The following MUC21 variants were observed in gnomAD, a reference collection of about 807,000 sequenced individuals.
The protein encoded by MUC21 is mucin-21.
In MUC21, 8 loss-of-function variants were observed where a neutral mutation model predicts 9.1. The ratio of observed to expected loss-of-function variants is 0.88; its 90% CI spans 0.52 to 1.59. The LOEUF (loss-of-function observed/expected upper bound fraction) is 1.59, where lower values mean the gene tolerates loss of function less well. Among genes scored for constraint, MUC21 ranks in the 40% most tolerant of loss-of-function variants. The pLI, the probability that MUC21 is intolerant of heterozygous loss-of-function variation, is 0.00. For synonymous variants in MUC21, 189 were observed against 275.2 expected (o/e 0.69, Z 3.10); for missense variants, 478 against 694.2 (o/e 0.69, Z 3.50).
chr6:30,986,424 C>T lies in MUC21; in HGVS notation c.249C>T (p.Thr83=), dbSNP rs149294646. The T allele has an allele frequency of 1.2e-4, 194 of 1,613,790 alleles. No individual in the cohort carries two copies. The African/African-American group carries it at 2.0e-3, about 17-fold the overall frequency. ...TCACCAACTCTGAGTTCCATACAAC[C>T]TCCAGTGGGATCAGCACAGCCACCA... The part of the protein sequence containing the change: ...SIVTNSEFHT[T]SSGISTATNS... Residue 83 remains threonine (T), a synonymous_variant, in exon 2 of 3, where the codon ACC becomes ACT. Coordinates refer to ENST00000376296, the MANE Select transcript of MUC21 (RefSeq NM_001010909.5).
rs532108366 is a variant in MUC21, at chr6:30,986,826, G to T, written c.651G>T (p.Thr217=). The T allele has an allele frequency of 7.1e-7, 1 of 1,409,174 alleles. No individual in the cohort carries two copies. The highest frequency in any genetic ancestry group is 1.2e-5 in the South Asian group (1 of 81,482). 87.3% of individuals were successfully genotyped at this position (1,409,174 alleles called of 1,614,324 possible). ...ASTATNSESR[T]TSNGAGTATN... is the part of the protein sequence containing the mutation. The stretch of plus-strand genomic sequence containing the variant: ...CAGCCACCAACTCTGAGTCCAGAAC[G>T]ACCTCCAATGGGGCTGGCACAGCCA... The change falls in exon 2 of 3, where the codon ACG becomes ACT. Residue 217 remains threonine (T), a synonymous_variant. Transcript: ENST00000376296.
intron 1 of MUC21, among the ~76,000 whole-genome samples, chr6:30,985,619 G>A (rs2150683703): frequency 6.6e-6 from 1 of 152,214 alleles, no homozygotes; most frequent in African/African-American, 2.4e-5. Context: ...AGCAGAATGT[G>A]GAAAAAGGTT....
intron 1 of MUC21, among the ~76,000 whole-genome samples, chr6:30,985,953 T>C (rs1170704413): frequency 6.6e-6 from 1 of 152,076 alleles, no homozygotes; most frequent in African/African-American, 2.4e-5. Flanking sequence ...TTAGTAGAGA[T>C]GGGGTTTCTC....
At chr6:30,987,888 G>C in intron 2 of MUC21, 112 bp from the exon 3 acceptor site, 2 of 1,077,522 alleles carry the variant, frequency 1.9e-6, no homozygotes, top group Non-Finnish European at 2.8e-6. Context: ...GGAGAAAGGA[G>C]AACTAGGTAA....
rs751297434 is a variant in MUC21, at chr6:30,987,403, T to C, written c.1228T>C (p.Ser410Pro). 2.5e-6 allele frequency: 4 copies of C among 1,598,288 alleles called. 1 individual carries two copies. The Admixed American group carries it at 5.1e-5, about 21-fold the overall frequency. Residue 410 changes from serine (S) to proline (P), a missense_variant, in exon 2 of 3, where the codon TCC becomes CCC. By Grantham distance (74) the Ser-to-Pro change is moderately conservative (BLOSUM62 -1). Transcript: ENST00000376296. ...SGASTATNSE[S>P]STVSSGASTA... ...GGCCAGCACAGCCACCAACTCTGAG[T>C]CCAGCACAGTGTCCAGTGGGGCCAG...
In MUC21 at chr6:30,986,271, C is replaced by A. The variant is rs370927564; in HGVS notation, c.96C>A (p.Asn32Lys). 1 of 1,613,920 alleles carries A rather than the reference C, an allele frequency of 6.2e-7. No homozygotes were observed. The highest frequency in any genetic ancestry group is 8.5e-7 in the Non-Finnish European group (1 of 1,179,900). ...CCAATGAGACTAGCACCTCTGCCAA[C>A]ACTGGATCCAGTGTGATCTCCAGTG... ...TNSNETSTSANTGSSVISSGA... is the reference protein window; with the variant it reads ...TNSNETSTSAKTGSSVISSGA... The change falls in exon 2 of 3, where the codon AAC becomes AAA. Residue 32 changes from asparagine to lysine, a missense_variant. By Grantham distance (94) the Asn-to-Lys change is moderately conservative (BLOSUM62 0). Around this residue, in one of 5 missense-constraint regions of MUC21, gnomAD observed 110 missense variants for 108.3 expected, o/e 1.02. Coordinates refer to ENST00000376296, the MANE Select transcript of MUC21 (RefSeq NM_001010909.5).
Position 30,987,336 on chromosome 6 carries a change from C to T in MUC21, c.1161C>T (p.Ala387=), listed in dbSNP as rs41288698. Residue 387 remains alanine, a synonymous_variant, in exon 2 of 3, where the codon GCC becomes GCT. Coordinates refer to ENST00000376296, the MANE Select transcript of MUC21 (RefSeq NM_001010909.5). ...AGTCCAGCACAGTGTCCAGTGGGGC[C>T]AGCACAGCCACCACCTCTGAGTCCA... ...NSESSTVSSG[A]STATTSESST... The T allele has an allele frequency of 2.4e-5, 37 of 1,559,468 alleles. 5 individuals are homozygous for T. The highest frequency in any genetic ancestry group is 2.8e-5 in the Non-Finnish European group (32 of 1,148,184).
Position 30,989,018 on chromosome 6 carries a change from A to C in MUC21, c.*824A>C, listed in dbSNP as rs1302895582. ...ATAAATCCCCGCCCAGAAGAGCTGCACGTATCCCTTTCATGAGTCCAGGGA... is the reference window on the plus strand; with the variant it reads ...ATAAATCCCCGCCCAGAAGAGCTGCCCGTATCCCTTTCATGAGTCCAGGGA... On this transcript the variant is annotated 3_prime_UTR_variant, in exon 3 of 3. Transcript: ENST00000376296. 1.3e-5 allele frequency: 2 copies of C among 152,180 alleles called. No individual in the cohort carries two copies. Among genetic ancestry groups the C allele is most frequent in the African/African-American group, 4.8e-5 (2 of 41,430 alleles). 9.4% of individuals were successfully genotyped at this position (152,180 alleles called of 1,614,324 possible). A position where few individuals can be genotyped will look rare whatever the true frequency, so the allele number is the denominator to read the frequency against.
At chr6:30,987,923 G>C (rs1762453873) in intron 2 of MUC21, 77 bp from the exon 3 acceptor site, 1 of 995,168 alleles carries the variant, frequency 1.0e-6, no homozygotes, top group Non-Finnish European at 1.6e-6. Flanking sequence ...AGTGGGAGAA[G>C]ATTCCAGAAG....
chr6:30,989,281 G>A lies in MUC21; in HGVS notation c.*1087G>A, dbSNP rs1257273234. ...TTGGATCTTACCAATGCGGCTATAG[G>A]AAAACAGCCTGTTGCATGGTAAGAG... On this transcript the variant is annotated 3_prime_UTR_variant, in exon 3 of 3. Coordinates refer to ENST00000376296, the MANE Select transcript of MUC21 (RefSeq NM_001010909.5). 6.6e-6 allele frequency: 1 copy of A among 152,194 alleles called. No individual in the cohort carries two copies. Among genetic ancestry groups the A allele is most frequent in the Non-Finnish European group, 1.5e-5 (1 of 68,036 alleles). The allele number at this position is 152,194 out of a possible 1,614,324, so 9.4% of individuals were successfully genotyped here. A position where few individuals can be genotyped will look rare whatever the true frequency, so the allele number is the denominator to read the frequency against.
chr6:30,987,206 C>T lies in MUC21; in HGVS notation c.1031C>T (p.Thr344Ile), dbSNP rs1484500764. ...ESSTTSSGAS[T>I]ATNSESSTTS... ...AGCACGACCTCCAGTGGGGCCAGCA[C>T]AGCCACCAACTCTGAGTCCAGCACA... The change falls in exon 2 of 3, where the codon ACA becomes ATA. Residue 344 changes from threonine to isoleucine, a missense_variant. Thr to Ile is a moderately conservative substitution (Grantham distance 89, BLOSUM62 -1). Transcript: ENST00000376296. 6.3e-7 allele frequency: 1 copy of T among 1,597,542 alleles called. No homozygotes were observed. The highest frequency in any genetic ancestry group is 8.6e-7 in the Non-Finnish European group (1 of 1,169,092).
intron 1 of MUC21, among the ~76,000 whole-genome samples, 182 bp from the exon 2 acceptor site, chr6:30,986,055 G>T (rs113842123): frequency 6.6e-6 from 1 of 152,158 alleles, no homozygotes; most frequent in African/African-American, 2.4e-5. Context: ...GTGAGCCACC[G>T]TGCCCAGCCC....
rs1554284795 is a variant in MUC21 at position 30,986,730 on chromosome 6, C to T, written c.555C>T (p.Ser185=). The T allele has an allele frequency of 6.3e-7, 1 of 1,577,462 alleles. No homozygotes were observed. ...SGASTATNSE[S]STVSSRASTA... ...CCAGCACAGCCACCAACTCTGAGTCCAGCACAGTGTCCAGTAGGGCCAGCA... is the reference window on the plus strand; with the variant it reads ...CCAGCACAGCCACCAACTCTGAGTCTAGCACAGTGTCCAGTAGGGCCAGCA... Residue 185 remains serine, a synonymous_variant, in exon 2 of 3, where the codon TCC becomes TCT. Transcript: ENST00000376296.
Position 30,986,915 on chromosome 6 carries a change from C to A in MUC21, c.740C>A (p.Thr247Lys), listed in dbSNP as rs377549846. 1 of 1,561,872 alleles carries A rather than the reference C, an allele frequency of 6.4e-7. No homozygotes were observed. Among genetic ancestry groups the A allele is most frequent in the Non-Finnish European group, 8.7e-7 (1 of 1,147,550 alleles). The change falls in exon 2 of 3, where the codon ACA becomes AAA. Residue 247 changes from threonine to lysine, a missense_variant. Thr to Lys is a moderately conservative substitution (Grantham distance 78). Around this residue, in one of 5 missense-constraint regions of MUC21, gnomAD observed 155 missense variants for 235.2 expected, o/e 0.66. Coordinates refer to ENST00000376296, the MANE Select transcript of MUC21 (RefSeq NM_001010909.5). The stretch of plus-strand genomic sequence containing the variant: ...ACAGCCACCAACTCTGAGTCCAGCA[C>A]ACCCTCCAGTGGGGCCGGCACAGCC... ...ASTATNSESSTPSSGAGTATN... is the reference protein window; with the variant it reads ...ASTATNSESSKPSSGAGTATN...
At chr6:30,986,173 A>T in intron 1 of MUC21, 64 bp from the exon 2 acceptor site, 1 of 1,362,176 alleles carries the variant, frequency 7.3e-7, no homozygotes, top group Non-Finnish European at 1.0e-6. Flanking sequence ...TAATGAATTT[A>T]GCCAAGCAAT....
rs770507666 is a variant in MUC21 at position 30,988,088 on chromosome 6, G to A, written c.1595G>A (p.Gly532Glu). The change falls in exon 3 of 3, where the codon GGG becomes GAG. Residue 532 changes from glycine (G) to glutamate (E), a missense_variant. Coordinates refer to ENST00000376296, the MANE Select transcript of MUC21 (RefSeq NM_001010909.5). ...LNHGLGPGPG[G>E]NHGAPHRPRW... Reference sequence around the variant, plus strand: ...CATGGCCTTGGTCCAGGCCCTGGAGGGAATCATGGAGCCCCCCACAGGCCC... The same window carrying A: ...CATGGCCTTGGTCCAGGCCCTGGAGAGAATCATGGAGCCCCCCACAGGCCC... The A allele has an allele frequency of 3.1e-6, 5 of 1,610,586 alleles. No individual in the cohort carries two copies. The Admixed American group carries it at 5.0e-5, about 16-fold the overall frequency.
In MUC21 at chr6:30,988,666, G is replaced by C. The variant is rs919458691; in HGVS notation, c.*472G>C. The C allele has an allele frequency of 6.4e-6, 1 of 156,662 alleles. No individual in the cohort carries two copies. The highest frequency in any genetic ancestry group is 1.4e-5 in the Non-Finnish European group (1 of 71,454). 9.7% of individuals were successfully genotyped at this position (156,662 alleles called of 1,614,324 possible). ...TGGGAGAGATAAGGAGGGAGGGCGG[G>C]TGCCAGCATGCTATGGGCTCCTGCG... On this transcript the variant is annotated 3_prime_UTR_variant, in exon 3 of 3. Transcript: ENST00000376296.
chr6:30,986,108 T>A (rs1762231785), intron 1 of MUC21, 129 bp from the exon 2 acceptor site: 1 of 862,018 alleles, frequency 1.2e-6, no homozygotes, highest in Non-Finnish European at 1.8e-6. Context: ...TCTCAGCTGG[T>A]GATAATAATA....
In MUC21 at chr6:30,983,969, A is replaced by C. The variant is rs1291684550; in HGVS notation, c.11A>C (p.Gln4Pro). 2.6e-6 allele frequency: 2 copies of C among 779,886 alleles called. No homozygotes were observed. The highest frequency in any genetic ancestry group is 4.8e-6 in the Non-Finnish European group (2 of 418,084). The allele number at this position is 779,886 out of a possible 1,614,324, so 48.3% of individuals were successfully genotyped here. A position where few individuals can be genotyped will look rare whatever the true frequency, so the allele number is the denominator to read the frequency against. ...GCCACAAAGAGACAGATGAAGATGC[A>C]GAAAGGAAATGTTCTCCTTATGTTT... MKM[Q>P]KGNVLLMFGL... Residue 4 changes from glutamine to proline, a missense_variant, in exon 1 of 3, where the codon CAG becomes CCG. By Grantham distance (76) the Gln-to-Pro change is moderately conservative. Around this residue, in one of 5 missense-constraint regions of MUC21, gnomAD observed 110 missense variants for 108.3 expected, o/e 1.02. Transcript: ENST00000376296.
Sources: gnomAD v4.1 joint callset for allele counts (sites outside exome capture counted in the v4.1 genomes callset) on GRCh38, gnomAD v4.1.1 for gene constraint, gnomAD v4.1.1 regional missense constraint, MANE v1.5 for transcripts, NCBI Gene and HGNC (gene_info 2026-07-23, HGNC 2026-07-21) for gene names.